Variants in HABP4 observed in about 807,000 individuals in gnomAD.
The protein encoded by HABP4 is hyaluronan binding protein 4, also known as intracellular hyaluronan-binding protein 4.
Under a neutral mutation model 44.1 loss-of-function variants are expected in HABP4, and 32 were observed. The ratio of observed to expected loss-of-function variants is 0.73; its 90% CI spans 0.55 to 0.97. The LOEUF is 0.97. Ranked by LOEUF, HABP4 falls within the 50% of genes least tolerant of loss-of-function variation. The pLI, the probability that HABP4 is intolerant of heterozygous loss-of-function variation, is 0.00. For missense variants in HABP4, 503 were observed against 561.9 expected (o/e 0.90, Z 1.06); for synonymous variants, 216 against 218.0 (o/e 0.99, Z 0.08).
intron 2 of HABP4, among the ~76,000 whole-genome samples, chr9:96,459,519 T>A (rs1036998171): frequency 1.3e-5 from 2 of 152,158 alleles, no homozygotes; most frequent in Non-Finnish European, 1.5e-5. Flanking sequence ...TGTTTAATCA[T>A]TAAACCTGTT....
chr9:96,480,222 A>G (rs1207278768), intron 5 of HABP4, among the ~76,000 whole-genome samples: 1 of 152,124 alleles, frequency 6.6e-6, no homozygotes, highest in Non-Finnish European at 1.5e-5. Flanking sequence ...GGTGCTATGC[A>G]TATATATTTG....
intron 1 of HABP4, among the ~76,000 whole-genome samples, chr9:96,452,274 G>C (rs974324721): frequency 6.6e-6 from 1 of 151,656 alleles, no homozygotes; most frequent in African/African-American, 2.4e-5. Context: ...CGTGAGACGA[G>C]TTAGTGCTGT....
At position 96,450,218 on chromosome 9, in the gene HABP4, C is replaced by A; in HGVS notation, c.-62C>A. On this transcript the variant is annotated 5_prime_UTR_variant, in exon 1 of 8. Transcript: ENST00000375249. This position sits in a 1 kb window ranked among gnomAD's most constrained non-coding sequence, Gnocchi z 4.8. ...GAGCGGGCGGCATGGGTCCTGGCCG[C>A]CGGCTTCGCTGAGACGCGCTCGCGT... 1 of 1,282,278 alleles carries A rather than the reference C, an allele frequency of 7.8e-7. No individual in the cohort carries two copies. The highest frequency in any genetic ancestry group is 9.9e-7 in the Non-Finnish European group (1 of 1,008,620). The allele number at this position is 1,282,278 out of a possible 1,614,324, so 79.4% of individuals were successfully genotyped here. A position where few individuals can be genotyped will look rare whatever the true frequency, so the allele number is the denominator to read the frequency against.
chr9:96,456,332 G>A (rs1011321665), intron 1 of HABP4, among the ~76,000 whole-genome samples: 9 of 151,980 alleles, frequency 5.9e-5, no homozygotes, highest in African/African-American at 1.9e-4. Context: ...AAATGAGACC[G>A]GTTAAGATTT....
chr9:96,458,316 G>GT, intron 1 of HABP4, 63 bp from the exon 2 acceptor site: 1 of 1,442,826 alleles, frequency 6.9e-7, no homozygotes, highest in South Asian at 1.1e-5. Context: ...TACCTGTAAA[G>GT]TTTAATAGTG....
chr9:96,453,217 C>T (rs1832318167), intron 1 of HABP4, among the ~76,000 whole-genome samples: 1 of 151,674 alleles, frequency 6.6e-6, no homozygotes, highest in Non-Finnish European at 1.5e-5. Flanking sequence ...CAGGCATGCG[C>T]CACCATGCCC....
At chr9:96,486,684 CA>C (rs1381274262) in intron 6 of HABP4, among the ~76,000 whole-genome samples, 5 of 151,982 alleles carry the variant, frequency 3.3e-5, no homozygotes, top group Non-Finnish European at 7.4e-5. Flanking sequence ...TAAAGCAACA[CA>C]AGCCAGATCT....
intron 5 of HABP4, among the ~76,000 whole-genome samples, chr9:96,479,183 CCTTTT>C (rs1372558494): frequency 6.6e-6 from 1 of 152,154 alleles, no homozygotes; most frequent in African/African-American, 2.4e-5. Flanking sequence ...GCTTGTTTCT[CCTTTT>C]CTTACATACT....
At chr9:96,477,243 A>C (rs1456529450) in intron 5 of HABP4, among the ~76,000 whole-genome samples, 1 of 152,210 alleles carries the variant, frequency 6.6e-6, no homozygotes. Flanking sequence ...AGTTCTGTTG[A>C]TTTTTAAAAT....
Position 96,465,320 on chromosome 9 carries a change from T to C in HABP4, c.513-17T>C. The C allele has an allele frequency of 6.4e-7, 1 of 1,567,980 alleles. No homozygotes were observed. Among genetic ancestry groups the C allele is most frequent in the South Asian group, 1.1e-5 (1 of 89,548 alleles). ...ACCTTTAATTTACCAGTTTTTATTA[T>C]ATCCACTCCTTCCTAGACCAGGTGA... On this transcript the variant is annotated splice_polypyrimidine_tract_variant and intron_variant, in intron 2 of 7. Transcript: ENST00000375249.
intron 4 of HABP4, among the ~76,000 whole-genome samples, chr9:96,467,982 T>C (rs1463623487): frequency 1.3e-5 from 2 of 152,242 alleles, no homozygotes; most frequent in Admixed American, 1.3e-4. Flanking sequence ...TGACCACTTG[T>C]GGCCCTGGCA....
In HABP4 at chr9:96,488,339, G is replaced by T; in HGVS notation, c.1185+65G>T. 1.8e-6 allele frequency: 2 copies of T among 1,120,550 alleles called. No individual in the cohort carries two copies. Among genetic ancestry groups the T allele is most frequent in the Non-Finnish European group, 1.3e-6 (1 of 785,694 alleles). 69.4% of individuals were successfully genotyped at this position (1,120,550 alleles called of 1,614,324 possible). On this transcript the variant is annotated intron_variant, in intron 7 of 7. Transcript: ENST00000375249. This position sits in a 1 kb window ranked among gnomAD's most constrained non-coding sequence, Gnocchi z 4.6. ...AAGGACAGTGCCCTGGGCCCAGGAT[G>T]GTCTAATTTCAGAGGGTCATGAGTT...
At chr9:96,485,598 TCA>T (rs902403941) in intron 6 of HABP4, among the ~76,000 whole-genome samples, 17 of 152,198 alleles carry the variant, frequency 1.1e-4, no homozygotes, top group Admixed American at 2.0e-4. Context: ...CTCAGAAGCT[TCA>T]GTTTTGCAGG....
In HABP4 at chr9:96,450,303, C is replaced by A. The variant is rs761894948; in HGVS notation, c.24C>A (p.Pro8=). ...GCATGAAGGGCGCTCTGGGGAGTCC[C>A]GTGGCTGCCGCTGGCGCCGCGATGC... The part of the protein sequence containing the change: MKGALGS[P]VAAAGAAMQE... The change falls in exon 1 of 8, where the codon CCC becomes CCA. Residue 8 remains proline, a synonymous_variant. Coordinates refer to ENST00000375249, the MANE Select transcript of HABP4 (RefSeq NM_014282.4). This position sits in a 1 kb window ranked among gnomAD's most constrained non-coding sequence, Gnocchi z 4.8. 2 of 1,401,766 alleles carry A rather than the reference C, an allele frequency of 1.4e-6. No homozygotes were observed. The highest frequency in any genetic ancestry group is 9.4e-7 in the Non-Finnish European group (1 of 1,060,182). The allele number at this position is 1,401,766 out of a possible 1,614,324, so 86.8% of individuals were successfully genotyped here. A position where few individuals can be genotyped will look rare whatever the true frequency, so the allele number is the denominator to read the frequency against.
chr9:96,458,033 A>T lies in HABP4; in HGVS notation c.350-346A>T, dbSNP rs1587672781. ...TTCATTTTCTAGGTACGGCTTACAC[A>T]CTGTGTTTTTGTAAGACTGCTTTTG... On this transcript the variant is annotated intron_variant, in intron 1 of 7. Transcript: ENST00000375249. 2.0e-5 allele frequency among the ~76,000 whole-genome samples: 3 copies of T among 152,332 alleles called. No homozygotes were observed. The East Asian group carries it at 5.8e-4, about 29-fold the overall frequency.
At chr9:96,455,971 C>G (rs1832368491) in intron 1 of HABP4, among the ~76,000 whole-genome samples, 1 of 152,108 alleles carries the variant, frequency 6.6e-6, no homozygotes, top group African/African-American at 2.4e-5. Flanking sequence ...AGGAGAAATG[C>G]TTTAACCTGG....
intron 6 of HABP4, among the ~76,000 whole-genome samples, chr9:96,486,411 C>G (rs1252077797): frequency 6.6e-6 from 1 of 152,146 alleles, no homozygotes; most frequent in Non-Finnish European, 1.5e-5. Flanking sequence ...TTCCTTTGTT[C>G]TTTTTTGTTC....
intron 5 of HABP4, among the ~76,000 whole-genome samples, chr9:96,480,755 T>C (rs892506057): frequency 1.3e-5 from 2 of 152,246 alleles, no homozygotes; most frequent in Admixed American, 6.5e-5. Context: ...ATGAAATGTA[T>C]AAATCTTAAG....
intron 4 of HABP4, among the ~76,000 whole-genome samples, chr9:96,466,983 C>T (rs997562015): frequency 2.8e-5 from 4 of 144,872 alleles, no homozygotes; most frequent in South Asian, 4.3e-4. Context: ...AGTGCAATGG[C>T]GCGATCTCGG....
Sources: allele counts gnomAD v4.1 joint callset (sites outside exome capture counted in the v4.1 genomes callset), GRCh38; gene constraint gnomAD v4.1.1; non-coding constraint Gnocchi (gnomAD v3.1); transcripts MANE v1.5; gene names NCBI Gene and HGNC (gene_info 2026-07-23, HGNC 2026-07-21).